The following CLIP1 variants were observed in gnomAD, a reference collection of about 807,000 sequenced individuals.
The protein encoded by CLIP1 is CAP-Gly domain containing linker protein 1, also known as CAP-Gly domain-containing linker protein 1.
In CLIP1, 66 loss-of-function variants were observed where a neutral mutation model predicts 161.6. The observed-to-expected ratio is 0.41, with a 90% CI of 0.33 to 0.50. CLIP1 has a LOEUF of 0.50. CLIP1 is among the 20% of genes least tolerant of loss of function. The pLI, the probability that CLIP1 is intolerant of heterozygous loss-of-function variation, is 0.27. For synonymous variants in CLIP1, 598 were observed against 626.2 expected (o/e 0.96, Z 0.67); for missense variants, 1,376 against 1,702.0 (o/e 0.81, Z 3.37).
rs555852776 is a variant in CLIP1, at chr12:122,409,881, T to A, written c.-107+12640A>T. 2.1e-4 allele frequency among the ~76,000 whole-genome samples: 32 copies of A among 151,120 alleles called. No homozygotes were observed. The South Asian group carries it at 3.1e-3, about 15-fold the overall frequency. On this transcript the variant is annotated intron_variant, in intron 1 of 25. Transcript: ENST00000620786. Reference sequence around the variant, plus strand: ...TCAGTGTTTGTTATTTTTATTTTTTTTTTTTTTGAGACTGAGTCTTGCTCT... The same window carrying A: ...TCAGTGTTTGTTATTTTTATTTTTTATTTTTTTGAGACTGAGTCTTGCTCT...
intron 5 of CLIP1, among the ~76,000 whole-genome samples, chr12:122,358,457 GA>G (rs60694108): frequency 4.8e-5 from 7 of 144,416 alleles, no homozygotes; most frequent in Non-Finnish European, 1.0e-4. Flanking sequence ...AAAGAAAAAA[GA>G]AAAAAAAAAC....
Position 122,350,906 on chromosome 12 carries a change from A to G in CLIP1, c.1401+205T>C, listed in dbSNP as rs1157643689. 1.4e-5 allele frequency: 6 copies of G among 414,226 alleles called. 1 individual carries two copies. The Admixed American group carries it at 2.1e-4, about 14-fold the overall frequency. The allele number at this position is 414,226 out of a possible 1,614,324, so 25.7% of individuals were successfully genotyped here. ...AAACGTTGGCCTATTCATTAAACAC[A>G]TGAATGTGTGGAGCTTAGTCATTAC... On this transcript the variant is annotated intron_variant, in intron 9 of 25. Coordinates refer to ENST00000620786, the MANE Select transcript of CLIP1 (RefSeq NM_001247997.2).
chr12:122,341,134 T>C lies in CLIP1; in HGVS notation c.2070A>G (p.Lys690=). The change falls in exon 11 of 26, where the codon AAA becomes AAG. Residue 690 remains lysine, a synonymous_variant. Transcript: ENST00000620786. ...GTTTAGCCCTCAAGGCTTCCATCTC[T>C]TTAGCATGGGCAGCCCGTTCAGAGT... is the stretch of plus-strand genomic sequence containing the variant. ...QQDSERAAHA[K]EMEALRAKLM... is the part of the protein sequence containing the mutation. 6.2e-7 allele frequency: 1 copy of C among 1,614,234 alleles called. No homozygotes were observed. The highest frequency in any genetic ancestry group is 8.5e-7 in the Non-Finnish European group (1 of 1,180,040).
chr12:122,298,708 A>G (rs978689634), intron 20 of CLIP1, among the ~76,000 whole-genome samples: 1 of 152,126 alleles, frequency 6.6e-6, no homozygotes, highest in Non-Finnish European at 1.5e-5. Flanking sequence ...TAATCCCAGC[A>G]TTTTGGGAGG....
At chr12:122,301,548 C>T (rs1324734741) in intron 20 of CLIP1, among the ~76,000 whole-genome samples, 1 of 152,160 alleles carries the variant, frequency 6.6e-6, no homozygotes, top group Non-Finnish European at 1.5e-5. Context: ...GTAGCGCATG[C>T]CTATATTTCC....
At chr12:122,357,996 AG>A (rs1566167976) in intron 5 of CLIP1, among the ~76,000 whole-genome samples, 1 of 152,290 alleles carries the variant, frequency 6.6e-6, no homozygotes, top group African/African-American at 2.4e-5. Flanking sequence ...TGGAATAGAA[AG>A]GGGGGAAAGG....
chr12:122,301,984 G>A (rs959157589), intron 20 of CLIP1, among the ~76,000 whole-genome samples: 3 of 152,240 alleles, frequency 2.0e-5, no homozygotes, highest in Admixed American at 6.5e-5. Context: ...CCTCAGAACA[G>A]TGGATGTGGT....
In CLIP1 at chr12:122,390,098, C is replaced by T. The variant is rs139207705; in HGVS notation, c.-106-9540G>A. On this transcript the variant is annotated intron_variant, in intron 1 of 25. Transcript: ENST00000620786. ...CCTGAGGCCTCCCCAGAAACAGATG[C>T]TGCTATGCTTCCTCTCCAGGCTGCA... Among the ~76,000 whole-genome samples the T allele has an allele frequency of 7.4e-4, 109 of 146,772 alleles. 3 individuals carry two copies. In the East Asian group the frequency reaches 0.021, roughly 28 times the overall value.
At chr12:122,317,496 G>A (rs1453565057) in intron 18 of CLIP1, among the ~76,000 whole-genome samples, 3 of 152,168 alleles carry the variant, frequency 2.0e-5, no homozygotes, top group Admixed American at 2.0e-4. Context: ...CCTGGCTCTT[G>A]GTGGAAAGCC....
intron 1 of CLIP1, among the ~76,000 whole-genome samples, chr12:122,410,238 T>A (rs1427136156): frequency 6.6e-6 from 1 of 152,096 alleles, no homozygotes; most frequent in South Asian, 2.1e-4. Context: ...GACACATGAC[T>A]GTTTTACTCA....
chr12:122,286,273 C>G (rs1053442423), intron 21 of CLIP1, among the ~76,000 whole-genome samples: 2 of 151,990 alleles, frequency 1.3e-5, no homozygotes, highest in African/African-American at 2.4e-5. Flanking sequence ...AATCCCAACA[C>G]TTTGGGAGGC....
At chr12:122,348,862 T>C (rs1952878169) in intron 9 of CLIP1, among the ~76,000 whole-genome samples, 1 of 152,184 alleles carries the variant, frequency 6.6e-6, no homozygotes, top group Non-Finnish European at 1.5e-5. Context: ...GAGGGGGGAA[T>C]GTAAAAGTGA....
rs189772906 is a variant in CLIP1, at chr12:122,284,541, G to A, written c.3647+3948C>T. On this transcript the variant is annotated intron_variant, in intron 21 of 25. Coordinates refer to ENST00000620786, the MANE Select transcript of CLIP1 (RefSeq NM_001247997.2). The stretch of plus-strand genomic sequence containing the variant: ...CTATTTTTGTATTTTTAGTAGAGAC[G>A]GGGTTTCACCATGTTGGCCAGGCTG... 1.3e-3 allele frequency among the ~76,000 whole-genome samples: 192 copies of A among 152,070 alleles called. 1 individual carries two copies. The South Asian group carries it at 0.02, about 16-fold the overall frequency.
chr12:122,396,771 ATT>A (rs544503896), intron 1 of CLIP1: 9 of 141,616 alleles, frequency 6.4e-5, no homozygotes, highest in Non-Finnish European at 7.8e-5. Flanking sequence ...GTTGTTGTTT[ATT>A]TTTTTTTTTT....
intron 9 of CLIP1, among the ~76,000 whole-genome samples, chr12:122,348,730 G>T (rs1213371192): frequency 6.6e-6 from 1 of 152,126 alleles, no homozygotes; most frequent in Non-Finnish European, 1.5e-5. Context: ...GCAACTGTCA[G>T]TTACGTGCAG....
chr12:122,419,368 CA>C (rs530430022), intron 1 of CLIP1, among the ~76,000 whole-genome samples: 3,578 of 116,978 alleles, frequency 0.031, 105 homozygotes, highest in African/African-American at 0.098. Context: ...GACTCTGTCT[CA>C]AAAAAAAAAA....
chr12:122,333,755 T>C (rs1271453076), intron 14 of CLIP1, among the ~76,000 whole-genome samples: 1 of 152,122 alleles, frequency 6.6e-6, no homozygotes, highest in East Asian at 1.9e-4. Flanking sequence ...GCTGTCAGGG[T>C]AGCTCAGATG....
intron 1 of CLIP1, among the ~76,000 whole-genome samples, chr12:122,414,379 G>A (rs932115104): frequency 6.6e-6 from 1 of 151,978 alleles, no homozygotes; most frequent in African/African-American, 2.4e-5. Flanking sequence ...CAAACTCCTG[G>A]ACTCAAGCGA....
intron 14 of CLIP1, among the ~76,000 whole-genome samples, chr12:122,333,610 T>A (rs890549575): frequency 1.3e-5 from 2 of 151,790 alleles, no homozygotes; most frequent in Admixed American, 1.3e-4. Flanking sequence ...TTTCCCTGAG[T>A]GGGATGGGAG....
Sources: allele counts gnomAD v4.1 joint callset (sites outside exome capture counted in the v4.1 genomes callset), GRCh38; gene constraint gnomAD v4.1.1; transcripts MANE v1.5; gene names NCBI Gene and HGNC (gene_info 2026-07-23, HGNC 2026-07-21).